The following ZNF385D variants were observed in gnomAD, a reference collection of about 807,000 sequenced individuals.
ZNF385D encodes zinc finger protein 385D.
In ZNF385D, 15 loss-of-function variants were observed where a neutral mutation model predicts 35.8. The observed-to-expected ratio is 0.42, with a 90% CI of 0.28 to 0.64. The LOEUF is 0.64. Among genes scored for constraint, ZNF385D ranks in the 30% least tolerant of loss-of-function variants. ZNF385D has a pLI of 0.23. For missense variants in ZNF385D, 474 were observed against 494.6 expected (o/e 0.96, Z 0.39); for synonymous variants, 212 against 186.8 (o/e 1.13, Z -1.10).
intron 3 of ZNF385D, among the ~76,000 whole-genome samples, chr3:21,782,572 C>T (rs2071534841): frequency 6.6e-6 from 1 of 152,024 alleles, no homozygotes; most frequent in Non-Finnish European, 1.5e-5. Context: ...TACCTTTAAA[C>T]CTCTCCAGAT....
At chr3:22,043,161 C>T (rs895600870) in intron 3 of ZNF385D, among the ~76,000 whole-genome samples, 3 of 152,074 alleles carry the variant, frequency 2.0e-5, no homozygotes, top group Non-Finnish European at 4.4e-5. Flanking sequence ...GGTTATTTAT[C>T]CCTAATGTTA....
At chr3:21,575,635 A>G (rs1441394654) in intron 2 of ZNF385D, among the ~76,000 whole-genome samples, 1 of 152,072 alleles carries the variant, frequency 6.6e-6, no homozygotes, top group Non-Finnish European at 1.5e-5. Flanking sequence ...TCAGGACTCA[A>G]TTGTGATGTC....
At chr3:21,909,002 A>G (rs1234252836) in intron 3 of ZNF385D, among the ~76,000 whole-genome samples, 1 of 152,032 alleles carries the variant, frequency 6.6e-6, no homozygotes, top group East Asian at 1.9e-4. Flanking sequence ...AATTTTTTTT[A>G]AATGTGGTAA....
chr3:21,880,683 A>G (rs1473666348), intron 3 of ZNF385D, among the ~76,000 whole-genome samples: 1 of 152,022 alleles, frequency 6.6e-6, no homozygotes, highest in Non-Finnish European at 1.5e-5. Flanking sequence ...CGTTAAGTCA[A>G]AAGCTAGAAA....
At chr3:22,129,311 G>C (rs559913828) in intron 3 of ZNF385D, among the ~76,000 whole-genome samples, 1 of 152,116 alleles carries the variant, frequency 6.6e-6, no homozygotes, top group South Asian at 2.1e-4. Context: ...CTTGCCTAAG[G>C]CCTGTTGTGA....
At chr3:22,119,271 TA>T (rs1206611466) in intron 3 of ZNF385D, among the ~76,000 whole-genome samples, 5 of 152,142 alleles carry the variant, frequency 3.3e-5, no homozygotes, top group African/African-American at 4.8e-5. Flanking sequence ...TTCATTACTA[TA>T]AAATTAGTCA....
At chr3:22,172,009 T>C (rs1291637715) in intron 2 of ZNF385D, among the ~76,000 whole-genome samples, 2 of 152,170 alleles carry the variant, frequency 1.3e-5, no homozygotes, top group African/African-American at 4.8e-5. Context: ...ACGACATGCT[T>C]AAATTTTTAA....
Position 22,060,818 on chromosome 3 carries a change from T to A in ZNF385D, c.325+107999A>T, listed in dbSNP as rs113801533. 6.7e-3 allele frequency among the ~76,000 whole-genome samples: 1,023 copies of A among 152,176 alleles called. 12 individuals carry two copies. Among genetic ancestry groups the A allele is most frequent in the African/African-American group, 0.023 (973 of 41,556 alleles). ...GGGTTTCTGAATATAAACAGTGAAT[T>A]TTAATTTAAAAAAGAAAGTTTTGCA... On this transcript the variant is annotated intron_variant, in intron 3 of 5. Transcript: ENST00000494108.
In ZNF385D at chr3:21,416,790, C is replaced by T. The variant is rs747393495; in HGVS notation, c.*4424G>A. 6 of 152,076 alleles carry T rather than the reference C, an allele frequency of 3.9e-5. No individual in the cohort carries two copies. Among genetic ancestry groups the T allele is most frequent in the Non-Finnish European group, 8.8e-5 (6 of 68,008 alleles). The allele number at this position is 152,076 out of a possible 1,614,324, so 9.4% of individuals were successfully genotyped here. ...AACCATTAGTTAAAATACATGCAAA[C>T]GCAGGACAGAATTAGTTATGGCTTA... On this transcript the variant is annotated 3_prime_UTR_variant, in exon 8 of 8. Coordinates refer to ENST00000281523, the MANE Select transcript of ZNF385D (RefSeq NM_024697.3).
intron 2 of ZNF385D, among the ~76,000 whole-genome samples, chr3:22,199,983 C>CA (rs759346892): frequency 6.6e-6 from 1 of 151,804 alleles, no homozygotes; most frequent in Admixed American, 6.6e-5. Context: ...ATTTAATCAT[C>CA]AAAAAAACTA....
At chr3:21,542,640 A>C (rs953707118) in intron 3 of ZNF385D, among the ~76,000 whole-genome samples, 1 of 152,030 alleles carries the variant, frequency 6.6e-6, no homozygotes, top group Non-Finnish European at 1.5e-5. Context: ...GTGCCACTGA[A>C]ACAGCCAGGT....
chr3:21,850,620 G>C (rs9917779), intron 3 of ZNF385D, among the ~76,000 whole-genome samples: 37,833 of 152,008 alleles, frequency 0.25, 5,014 homozygotes, highest in Admixed American at 0.29. Flanking sequence ...TCAATTAATG[G>C]AGACAGGACA....
intron 2 of ZNF385D, among the ~76,000 whole-genome samples, chr3:22,244,451 C>T (rs1699669128): frequency 7.1e-6 from 1 of 141,458 alleles, no homozygotes; most frequent in African/African-American, 2.6e-5. Context: ...ATCATCAATA[C>T]AAGAAATACA....
intron 2 of ZNF385D, among the ~76,000 whole-genome samples, chr3:22,223,844 T>G (rs1698400759): frequency 6.6e-6 from 1 of 152,160 alleles, no homozygotes; most frequent in Non-Finnish European, 1.5e-5. Context: ...ATGTAGTTCC[T>G]AAGGTATCCT....
intron 3 of ZNF385D, among the ~76,000 whole-genome samples, chr3:22,109,910 T>C (rs1433203179): frequency 6.6e-6 from 1 of 152,010 alleles, no homozygotes; most frequent in African/African-American, 2.4e-5. Context: ...CTGACAAATA[T>C]CCAGAATCTA....
chr3:21,605,965 CTG>C (rs10570097), intron 2 of ZNF385D, among the ~76,000 whole-genome samples: 4,120 of 152,206 alleles, frequency 0.027, 186 homozygotes, highest in African/African-American at 0.094. Context: ...AACGTGCAGA[CTG>C]TGCTGGTATT....
At chr3:21,668,814 A>G (rs979037090) in intron 1 of ZNF385D, among the ~76,000 whole-genome samples, 20 of 152,224 alleles carry the variant, frequency 1.3e-4, no homozygotes, top group African/African-American at 4.6e-4. Context: ...TCTCTTTGAG[A>G]AAATAGCTAT....
chr3:21,732,144 G>A (rs1216751170), intron 1 of ZNF385D, among the ~76,000 whole-genome samples: 1 of 140,816 alleles, frequency 7.1e-6, no homozygotes, highest in East Asian at 2.3e-4. Flanking sequence ...CCGCCTCCCA[G>A]GTTCAAGTGA....
chr3:22,016,818 C>G (rs1696914916), intron 3 of ZNF385D, among the ~76,000 whole-genome samples: 1 of 151,990 alleles, frequency 6.6e-6, no homozygotes, highest in Admixed American at 6.6e-5. Context: ...TCCATCCTTA[C>G]AGTTCAAGCT....
Sources: gnomAD v4.1 joint callset for allele counts (sites outside exome capture counted in the v4.1 genomes callset) on GRCh38, gnomAD v4.1.1 for gene constraint, MANE v1.5 for transcripts, NCBI Gene and HGNC (gene_info 2026-07-23, HGNC 2026-07-21) for gene names.